The following SIRPB1 variants were observed in gnomAD, a reference collection of about 807,000 sequenced individuals.
The protein encoded by SIRPB1 is signal regulatory protein beta 1, also known as signal-regulatory protein beta-1.
A neutral mutation model predicts 34.1 loss-of-function variants in SIRPB1; 28 were observed. The observed-to-expected ratio is 0.82, with a 90% CI of 0.61 to 1.12. SIRPB1 has a LOEUF of 1.12. Ranked by LOEUF, SIRPB1 falls within the 50% of genes most tolerant of loss-of-function variation. The probability of loss-of-function intolerance (pLI) is 0.00; values close to 1 mark genes in which losing one functional copy is unlikely to be tolerated. For synonymous variants in SIRPB1, 211 were observed against 203.8 expected (o/e 1.04, Z -0.30); for missense variants, 499 against 507.0 (o/e 0.98, Z 0.15).
chr20:1,578,734 C>T (rs538114205), intron 1 of SIRPB1, 40 bp from the exon 2 acceptor site: 1 of 1,415,492 alleles, frequency 7.1e-7, no homozygotes, highest in South Asian at 1.2e-5. Context: ...TCATCCTTAC[C>T]TGATTCTCTG....
At chr20:1,580,121 C>A (rs1223150754) in intron 1 of SIRPB1, among the ~76,000 whole-genome samples, 3 of 148,236 alleles carry the variant, frequency 2.0e-5, no homozygotes, top group Admixed American at 2.0e-4. Flanking sequence ...ATGTTTTACA[C>A]CTTCCATGTC....
chr20:1,619,116 G>A (rs2091672012), intron 1 of SIRPB1, among the ~76,000 whole-genome samples: 1 of 152,182 alleles, frequency 6.6e-6, no homozygotes, highest in Non-Finnish European at 1.5e-5. Context: ...TATAAGCCAA[G>A]GAGAGAGACT....
intron 1 of SIRPB1, chr20:1,611,301 A>T: frequency 1.3e-6 from 1 of 775,998 alleles, no homozygotes; most frequent in Non-Finnish European, 1.7e-6. Context: ...TGGATAATGT[A>T]ATTATTGAGT....
rs773790540 is a variant in SIRPB1 at position 1,570,882 on chromosome 20, C to T, written c.1007G>A (p.Gly336Glu). The change falls in exon 4 of 6, where the codon GGG becomes GAG. Residue 336 changes from glycine to glutamate, a missense_variant. Transcript: ENST00000381605. ...ATAGCTTTTGCTGACTGCTTGCTGC[C>T]CATCATGCTCCACCTGACAGGTGAG... ...VVLTCQVEHDGQQAVSKSYAL... is the reference protein window; with the variant it reads ...VVLTCQVEHDEQQAVSKSYAL... 8.1e-6 allele frequency: 13 copies of T among 1,614,194 alleles called. No individual in the cohort carries two copies. In the East Asian group the frequency reaches 2.7e-4, roughly 33 times the overall value.
Position 1,562,574 on chromosome 20 carries a change from C to T in SIRPB1, c.*2926G>A, listed in dbSNP as rs1312576563. The stretch of plus-strand genomic sequence containing the variant: ...GTTAAGTAACATCAGTCCCACAACA[C>T]AAGTCTCAAAATTTAGGTGCCATAG... On this transcript the variant is annotated 3_prime_UTR_variant, in exon 6 of 6. Coordinates refer to ENST00000381605, the MANE Select transcript of SIRPB1 (RefSeq NM_006065.5). Among the ~76,000 whole-genome samples the T allele has an allele frequency of 1.3e-5, 2 of 152,096 alleles. No individual in the cohort carries two copies. Among genetic ancestry groups the T allele is most frequent in the Non-Finnish European group, 2.9e-5 (2 of 68,032 alleles).
chr20:1,578,303 C>A, intron 2 of SIRPB1, 35 bp downstream of exon 2: 1 of 1,553,566 alleles, frequency 6.4e-7, no homozygotes, highest in Non-Finnish European at 8.9e-7. Context: ...TATTGTCACA[C>A]ACCAGGGGAC....
chr20:1,564,757 G>A lies in SIRPB1; in HGVS notation c.*743C>T, dbSNP rs1185718967. ...GTTATTACACTAGAGAAATTGGCAA[G>A]CACTGCAAAACAGCTTTTGGTTTTT... On this transcript the variant is annotated 3_prime_UTR_variant, in exon 6 of 6. Coordinates refer to ENST00000381605, the MANE Select transcript of SIRPB1 (RefSeq NM_006065.5). 4.0e-5 allele frequency: 16 copies of A among 396,594 alleles called. No homozygotes were observed. In the South Asian group the frequency reaches 1.8e-3, roughly 46 times the overall value. The allele number at this position is 396,594 out of a possible 1,614,324, so 24.6% of individuals were successfully genotyped here.
At chr20:1,579,719 G>C (rs943378224) in intron 1 of SIRPB1, among the ~76,000 whole-genome samples, 4 of 148,478 alleles carry the variant, frequency 2.7e-5, no homozygotes, top group South Asian at 4.2e-4. Context: ...TGTGTTAAAA[G>C]AAATGTAACA....
rs376479915 is a variant in SIRPB1 at position 1,610,141 on chromosome 20, C to G, written c.76+9728G>C. Among the ~76,000 whole-genome samples the G allele has an allele frequency of 9.6e-5, 7 of 72,760 alleles. 3 individuals are homozygous for G. The allele number at this position is 72,760 out of a possible 152,430, so 47.7% of individuals were successfully genotyped here. ...GGGCTTACATTTGGGAGAAGTTTTCCAATCACAAACAAGCTTTAGTATCTG... is the reference window on the plus strand; with the variant it reads ...GGGCTTACATTTGGGAGAAGTTTTCGAATCACAAACAAGCTTTAGTATCTG... On this transcript the variant is annotated intron_variant, in intron 1 of 5. Coordinates refer to ENST00000381605, the MANE Select transcript of SIRPB1 (RefSeq NM_006065.5).
At chr20:1,572,071 A>G in intron 2 of SIRPB1, 34 bp from the exon 3 acceptor site, 5 of 1,613,380 alleles carry the variant, frequency 3.1e-6, no homozygotes, top group Non-Finnish European at 4.2e-6. Flanking sequence ...AGGAGACATG[A>G]CTCAGATGAC....
intron 1 of SIRPB1, chr20:1,598,770 G>T: frequency 3.3e-6 from 1 of 302,144 alleles, no homozygotes. Context: ...CCTCCTCCTG[G>T]CCCTGCCCTT....
rs539501403 is a variant in SIRPB1, at chr20:1,563,209, G to T, written c.*2291C>A. On this transcript the variant is annotated 3_prime_UTR_variant, in exon 6 of 6. Transcript: ENST00000381605. ...CCAAGGTATAATAGAAATGATGCTT[G>T]CTGGCTAGGCATGGTGGCTCATGCC... Among the ~76,000 whole-genome samples the T allele has an allele frequency of 6.6e-6, 1 of 152,248 alleles. No homozygotes were observed. The highest frequency in any genetic ancestry group is 2.4e-5 in the African/African-American group (1 of 41,566).
At chr20:1,572,080 A>G (rs2091250250) in intron 2 of SIRPB1, 43 bp from the exon 3 acceptor site, 1 of 1,612,720 alleles carries the variant, frequency 6.2e-7, no homozygotes, top group African/African-American at 1.3e-5. Context: ...GACTCAGATG[A>G]CCATCACTGA....
At position 1,571,858 on chromosome 20, in the gene SIRPB1, A is replaced by G; in HGVS notation, c.613T>C (p.Ser205Pro). Residue 205 changes from serine to proline, a missense_variant, in exon 3 of 6, where the codon TCC becomes CCC. Ser to Pro is a moderately conservative substitution (Grantham distance 74). Transcript: ENST00000381605. ...TNVDPAGDSV[S>P]YSIHSTARVV... is the part of the protein sequence containing the mutation. ...CTGGCTGTGCTGTGGATGCTGTAGGACACACTGTCTCCTGCGGGGTCCACG... is the reference window on the plus strand; with the variant it reads ...CTGGCTGTGCTGTGGATGCTGTAGGGCACACTGTCTCCTGCGGGGTCCACG... 6.2e-7 allele frequency: 1 copy of G among 1,614,232 alleles called. No individual in the cohort carries two copies. The highest frequency in any genetic ancestry group is 1.3e-5 in the African/African-American group (1 of 75,058).
chr20:1,563,533 T>C lies in SIRPB1; in HGVS notation c.*1967A>G, dbSNP rs1393370608. ...AAAATAAACAAATGAAAAGAAACAA[T>C]GCTTGCTCCGTGTATTAGCCCATTC... On this transcript the variant is annotated 3_prime_UTR_variant, in exon 6 of 6. Transcript: ENST00000381605. 1 of 151,972 alleles carries C rather than the reference T, an allele frequency of 6.6e-6. No individual in the cohort carries two copies. Among genetic ancestry groups the C allele is most frequent in the African/African-American group, 2.4e-5 (1 of 41,380 alleles). 9.4% of individuals were successfully genotyped at this position (151,972 alleles called of 1,614,324 possible).
intron 1 of SIRPB1, among the ~76,000 whole-genome samples, chr20:1,619,523 G>A (rs1016016155): frequency 2.6e-5 from 4 of 152,226 alleles, no homozygotes; most frequent in Non-Finnish European, 4.4e-5. Context: ...CTGTTAGGGT[G>A]TCTCTGAGCT....
chr20:1,619,299 A>G lies in SIRPB1; in HGVS notation c.76+570T>C, dbSNP rs1025597625. On this transcript the variant is annotated intron_variant, in intron 1 of 5. Coordinates refer to ENST00000381605, the MANE Select transcript of SIRPB1 (RefSeq NM_006065.5). Reference sequence around the variant, plus strand: ...CAAATGTGGAACTTCTTAAAGAGGAAGAGGCCACAGAGAAATGGGTGGTAA... The same window carrying G: ...CAAATGTGGAACTTCTTAAAGAGGAGGAGGCCACAGAGAAATGGGTGGTAA... Among the ~76,000 whole-genome samples the G allele has an allele frequency of 3.3e-5, 5 of 152,224 alleles. No homozygotes were observed. In the South Asian group the frequency reaches 8.3e-4, roughly 25 times the overall value.
At chr20:1,573,345 A>G (rs1373720853) in intron 2 of SIRPB1, among the ~76,000 whole-genome samples, 2 of 71,650 alleles carry the variant, frequency 2.8e-5, no homozygotes, top group Non-Finnish European at 5.8e-5. Context: ...ACAGAAACCT[A>G]TTCTGGGCCT....
chr20:1,578,694 C>A lies in SIRPB1; in HGVS notation c.77G>T (p.Gly26Val). ...CTGTAGCTCGTCCTCACCTGCCACT[C>A]CTGGAAAGGAGCACAAAGCAGTCAT... ...LMTLLLGRLTGVAGEDELQVI... is the reference protein window; with the variant it reads ...LMTLLLGRLTVVAGEDELQVI... Residue 26 changes from glycine (G) to valine (V), a missense_variant and splice_region_variant, in exon 2 of 6, where the codon GGA (glycine) becomes GTA (valine). Gly to Val is a moderately radical substitution (Grantham distance 109). Transcript: ENST00000381605. The A allele has an allele frequency of 1.9e-6, 3 of 1,571,148 alleles. 1 individual carries two copies.
Sources: gnomAD v4.1 joint callset for allele counts (sites outside exome capture counted in the v4.1 genomes callset) on GRCh38, gnomAD v4.1.1 for gene constraint, MANE v1.5 for transcripts, NCBI Gene and HGNC (gene_info 2026-07-23, HGNC 2026-07-21) for gene names.